The following MDN1 variants were observed in gnomAD, a reference collection of about 807,000 sequenced individuals.
MDN1 encodes midasin.
MDN1 carries 266 observed loss-of-function variants against 669.2 expected under a neutral mutation model. That is an observed-to-expected ratio of 0.40 (90% CI 0.36 to 0.44). The LOEUF is 0.44. MDN1 is among the 20% of genes least tolerant of loss of function. MDN1 has a pLI of 1.00. For synonymous variants in MDN1, 2,385 were observed against 2,457.1 expected (o/e 0.97, Z 0.87); for missense variants, 5,940 against 6,754.0 (o/e 0.88, Z 4.22).
At chr6:89,665,593 G>A (rs1423057180) in intron 84 of MDN1, among the ~76,000 whole-genome samples, 1 of 151,548 alleles carries the variant, frequency 6.6e-6, no homozygotes, top group East Asian at 1.9e-4. Context: ...TGTAATCCCA[G>A]CTACTCGGGA....
At position 89,732,732 on chromosome 6, in the gene MDN1, C is replaced by T; in HGVS notation, c.4767G>A (p.Leu1589=). Residue 1589 remains leucine, a synonymous_variant, in exon 34 of 102, where the codon CTG becomes CTA. Transcript: ENST00000369393. ...ACTTTCTGCCAAACTCTTGGTGGGT[C>T]AGCCAGTCAATGAAATCCAGCATCA... ...PEVMLDFIDW[L]THQEFGRKCV... The T allele has an allele frequency of 6.2e-7, 1 of 1,614,026 alleles. No individual in the cohort carries two copies. The highest frequency in any genetic ancestry group is 8.5e-7 in the Non-Finnish European group (1 of 1,179,988).
Position 89,683,833 on chromosome 6 carries a change from G to A in MDN1, c.11901C>T (p.His3967=), listed in dbSNP as rs781011028. ...TCCAGTTTTAAAAGATGGATTACCT[G>A]TGTGTCTTTTCTACAGATTGCTTAA... The part of the protein sequence containing the change: ...WSIKQSVEKT[H]RTLFKFMKKF... Residue 3967 remains histidine, a splice_region_variant and synonymous_variant, in exon 72 of 102, where the codon CAC becomes CAT. Transcript: ENST00000369393. 6.2e-7 allele frequency: 1 copy of A among 1,611,838 alleles called. No individual in the cohort carries two copies. Among genetic ancestry groups the A allele is most frequent in the Non-Finnish European group, 8.5e-7 (1 of 1,178,364 alleles).
At chr6:89,722,891 T>G (rs1429085486) in intron 40 of MDN1, 64 bp downstream of exon 40, 1 of 1,446,336 alleles carries the variant, frequency 6.9e-7, no homozygotes. Context: ...TGTATGTCCT[T>G]TCTCACCCAC....
intron 83 of MDN1, among the ~76,000 whole-genome samples, chr6:89,670,659 G>A (rs112112954): frequency 2.1e-4 from 32 of 152,256 alleles, no homozygotes; most frequent in African/African-American, 7.5e-4. Context: ...TTTAGACAGC[G>A]CTGGAGTTTA....
chr6:89,746,982 T>C (rs1160120455), intron 27 of MDN1, among the ~76,000 whole-genome samples: 2 of 152,226 alleles, frequency 1.3e-5, no homozygotes, highest in African/African-American at 2.4e-5. Flanking sequence ...TCTGTATGTC[T>C]GTAAAGCACT....
At chr6:89,740,078 C>G (rs1348196414) in intron 32 of MDN1, among the ~76,000 whole-genome samples, 156 bp downstream of exon 32, 2 of 151,974 alleles carry the variant, frequency 1.3e-5, no homozygotes, top group Non-Finnish European at 2.9e-5. Flanking sequence ...TTTTTCTAAC[C>G]CAATAATTAT....
Position 89,749,131 on chromosome 6 carries a change from ACAT to A in MDN1, c.3762+89_3762+91del, listed in dbSNP as rs1178141034. On this transcript the variant is annotated intron_variant, in intron 26 of 101. Transcript: ENST00000369393. ...AAAAAAAATCTCTACTTGGAAAAAT[ACAT>A]CAACAGACAGATTCTTTTTTCTAAC... is the stretch of plus-strand genomic sequence containing the variant. The A allele has an allele frequency of 4.1e-6, 5 of 1,204,912 alleles. No individual in the cohort carries two copies. In the African/African-American group the frequency reaches 6.3e-5, roughly 15 times the overall value. The allele number at this position is 1,204,912 out of a possible 1,614,324, so 74.6% of individuals were successfully genotyped here.
At chr6:89,740,423 TTC>T (rs1176984549) in intron 31 of MDN1, 45 bp from the exon 32 acceptor site, 1 of 1,514,808 alleles carries the variant, frequency 6.6e-7, no homozygotes, top group Non-Finnish European at 8.8e-7. Flanking sequence ...TATACAATCT[TTC>T]TGTTTTACAA....
At chr6:89,769,047 C>T (rs1233853047) in intron 15 of MDN1, among the ~76,000 whole-genome samples, 1 of 151,614 alleles carries the variant, frequency 6.6e-6, no homozygotes, top group South Asian at 2.1e-4. Flanking sequence ...AAGTGAGACC[C>T]TATCTTAAAG....
chr6:89,715,839 G>A (rs1403617016), intron 44 of MDN1, 70 bp from the exon 45 acceptor site: 13 of 992,566 alleles, frequency 1.3e-5, no homozygotes, highest in East Asian at 2.4e-5. Context: ...TTCCATGCAC[G>A]GGGCTCCAAA....
chr6:89,734,687 A>T, intron 33 of MDN1, among the ~76,000 whole-genome samples: 1 of 54,782 alleles, frequency 1.8e-5, no homozygotes, highest in Non-Finnish European at 3.1e-5. Context: ...AAAAAAAAAA[A>T]AACAAGAGAG....
At position 89,727,780 on chromosome 6, in the gene MDN1, C is replaced by T; in HGVS notation, c.5472+53G>A. 5 of 1,612,970 alleles carry T rather than the reference C, an allele frequency of 3.1e-6. No individual in the cohort carries two copies. The South Asian group carries it at 4.4e-5, about 14-fold the overall frequency. On this transcript the variant is annotated intron_variant, in intron 37 of 101. Coordinates refer to ENST00000369393, the MANE Select transcript of MDN1 (RefSeq NM_014611.3). The stretch of plus-strand genomic sequence containing the variant: ...GTGAAATGGAGCTGTGAAAGGATGA[C>T]TGCTCCTCACACACATGATCACCGT...
At chr6:89,735,174 G>A (rs1815877502) in intron 33 of MDN1, among the ~76,000 whole-genome samples, 2 of 151,766 alleles carry the variant, frequency 1.3e-5, no homozygotes, top group East Asian at 1.9e-4. Flanking sequence ...AGGTGTGAAA[G>A]AAAGCACCCG....
chr6:89,731,027 CA>C (rs1315400721), intron 34 of MDN1, 104 bp from the exon 35 acceptor site: 1 of 922,082 alleles, frequency 1.1e-6, no homozygotes, highest in African/African-American at 1.7e-5. Context: ...GAGGCCTCAG[CA>C]AAACTGCAGC....
intron 65 of MDN1, 130 bp downstream of exon 65, chr6:89,689,740 C>A: frequency 8.8e-7 from 1 of 1,140,390 alleles, no homozygotes; most frequent in Non-Finnish European, 1.2e-6. Context: ...GTTCTTTAAG[C>A]CAAGGAAACT....
chr6:89,754,052 T>G lies in MDN1; in HGVS notation c.2964+31A>C, dbSNP rs1817099451. The G allele has an allele frequency of 3.1e-6, 5 of 1,606,076 alleles. No homozygotes were observed. The South Asian group carries it at 5.6e-5, about 18-fold the overall frequency. On this transcript the variant is annotated intron_variant, in intron 21 of 101. Transcript: ENST00000369393. ...CTTCCCATGAACCCATCCATTAAGC[T>G]CATATCCAGTCAAAGAGACTTCAGA...
intron 23 of MDN1, 41 bp from the exon 24 acceptor site, chr6:89,750,573 A>C (rs764282691): frequency 9.5e-5 from 148 of 1,555,406 alleles, no homozygotes; most frequent in Non-Finnish European, 1.3e-4. Context: ...AAACAACAAA[A>C]AATTACAAAG....
At chr6:89,696,105 G>T in intron 60 of MDN1, 113 bp from the exon 61 acceptor site, 1 of 1,385,388 alleles carries the variant, frequency 7.2e-7, no homozygotes, top group East Asian at 2.3e-5. Context: ...GCATCAATAT[G>T]TAGAGGTGAA....
chr6:89,757,635 T>A (rs1157122313), intron 19 of MDN1, among the ~76,000 whole-genome samples: 1 of 152,074 alleles, frequency 6.6e-6, no homozygotes, highest in South Asian at 2.1e-4. Flanking sequence ...ATAAAGAGAA[T>A]CTAAAAACGA....
Sources: allele counts gnomAD v4.1 joint callset (sites outside exome capture counted in the v4.1 genomes callset), GRCh38; gene constraint gnomAD v4.1.1; transcripts MANE v1.5; gene names NCBI Gene and HGNC (gene_info 2026-07-23, HGNC 2026-07-21).